The following NTN1 variants were observed in gnomAD, a reference collection of about 807,000 sequenced individuals.
NTN1 encodes netrin-1.
A neutral mutation model predicts 54.2 loss-of-function variants in NTN1; 11 were observed. The ratio of observed to expected loss-of-function variants is 0.20; its 90% CI spans 0.13 to 0.34. NTN1 has a LOEUF of 0.34. Ranked by LOEUF, NTN1 falls within the 10% of genes least tolerant of loss-of-function variation. NTN1 has a pLI of 1.00. For synonymous variants in NTN1, 371 were observed against 382.0 expected (o/e 0.97, Z 0.33); for missense variants, 740 against 893.1 (o/e 0.83, Z 2.18).
intron 2 of NTN1, among the ~76,000 whole-genome samples, chr17:9,065,215 G>C (rs551515917): frequency 6.6e-6 from 1 of 152,192 alleles, no homozygotes; most frequent in South Asian, 2.1e-4. Flanking sequence ...GGGATTACAG[G>C]TGTGAGCCAC....
the NTN1 span, among the ~76,000 whole-genome samples, chr17:9,006,269 A>G: frequency 1.3e-5 from 2 of 152,228 alleles, no homozygotes; most frequent in Admixed American, 1.3e-4. Context: ...GGAGTAATTC[A>G]TAGTGTTTGG....
At chr17:9,105,994 G>A (rs1206433513) in intron 2 of NTN1, among the ~76,000 whole-genome samples, 1 of 152,134 alleles carries the variant, frequency 6.6e-6, no homozygotes, top group Non-Finnish European at 1.5e-5. Context: ...TACTCCCAAA[G>A]CATGGCCCCC....
chr17:9,228,960 GTGAT>G (rs1360340847), intron 6 of NTN1, among the ~76,000 whole-genome samples: 2 of 151,786 alleles, frequency 1.3e-5, no homozygotes, highest in Non-Finnish European at 2.9e-5. Flanking sequence ...CTCTGCGTGT[GTGAT>G]TGTGTTTACG....
chr17:9,205,634 G>A (rs951130225), intron 5 of NTN1, among the ~76,000 whole-genome samples: 5 of 152,224 alleles, frequency 3.3e-5, no homozygotes, highest in African/African-American at 4.8e-5. Context: ...GAGAGAGAGA[G>A]AGAAGGGGCA....
chr17:9,084,410 G>T (rs2092083384), intron 2 of NTN1, among the ~76,000 whole-genome samples: 1 of 152,184 alleles, frequency 6.6e-6, no homozygotes, highest in Non-Finnish European at 1.5e-5. Context: ...AAACCCCAAA[G>T]TGTCCTCATT....
chr17:9,089,339 C>G (rs555023981), intron 2 of NTN1, among the ~76,000 whole-genome samples: 1 of 151,852 alleles, frequency 6.6e-6, no homozygotes, highest in East Asian at 1.9e-4. Flanking sequence ...CGCTTGAACC[C>G]GGGAGGCGGA....
At chr17:9,137,845 T>TCCGGCCTTC (rs2092285866) in intron 2 of NTN1, among the ~76,000 whole-genome samples, 3 of 152,334 alleles carry the variant, frequency 2.0e-5, no homozygotes, top group Middle Eastern at 6.8e-3. Flanking sequence ...TTCCGGCATT[T>TCCGGCCTTC]CCGGCCTTCC....
In NTN1 at chr17:9,240,465, A is replaced by G. The variant is rs147972816; in HGVS notation, c.*497A>G. On this transcript the variant is annotated 3_prime_UTR_variant, in exon 7 of 7. Coordinates refer to ENST00000173229, the MANE Select transcript of NTN1 (RefSeq NM_004822.3). ...GGAGCACCCACCAAACCACCACCCGACACGCAGCCGACGGGATCCCCCCCT... is the reference window on the plus strand; with the variant it reads ...GGAGCACCCACCAAACCACCACCCGGCACGCAGCCGACGGGATCCCCCCCT... 5.6e-3 allele frequency: 853 copies of G among 152,412 alleles called. 1 individual carries two copies. The highest frequency in any genetic ancestry group is 0.01 in the Non-Finnish European group (699 of 68,112). 9.4% of individuals were successfully genotyped at this position (152,412 alleles called of 1,614,324 possible).
chr17:9,187,213 T>G (rs2092435991), intron 5 of NTN1, among the ~76,000 whole-genome samples: 1 of 152,066 alleles, frequency 6.6e-6, no homozygotes, highest in Non-Finnish European at 1.5e-5. Context: ...GGGTGGGAGT[T>G]GCTGGCGTGA....
upstream of NTN1, chr17:9,021,437 G>C (rs1213144609): frequency 6.6e-6 from 1 of 151,560 alleles, no homozygotes; most frequent in African/African-American, 2.4e-5. Flanking sequence ...GCTGGCGGCA[G>C]CTCGCGGACG....
chr17:9,212,119 C>T lies in NTN1; in HGVS notation c.1412-9049C>T, dbSNP rs369986209. ...GCTTGAGGGTGATGGATTGGGTCAG[C>T]GAGACTAGTACAGGCTTAGAGAGAT... is the stretch of plus-strand genomic sequence containing the variant. On this transcript the variant is annotated intron_variant, in intron 5 of 6. Transcript: ENST00000173229. The surrounding 1 kb of genome is among the most constrained non-coding windows in gnomAD (Gnocchi z 5.5). Among the ~76,000 whole-genome samples the T allele has an allele frequency of 8.7e-4, 132 of 152,254 alleles. No individual in the cohort carries two copies. Among genetic ancestry groups the T allele is most frequent in the African/African-American group, 3.1e-3 (129 of 41,536 alleles).
intron 2 of NTN1, among the ~76,000 whole-genome samples, chr17:9,026,395 G>GA (rs1555562106): frequency 6.7e-6 from 1 of 148,716 alleles, no homozygotes; most frequent in African/African-American, 2.5e-5. Flanking sequence ...TTCTTCCGGG[G>GA]GGGGGGAACA....
At chr17:9,198,493 C>T (rs1011284674) in intron 5 of NTN1, among the ~76,000 whole-genome samples, 4 of 152,184 alleles carry the variant, frequency 2.6e-5, no homozygotes, top group Admixed American at 6.5e-5. Flanking sequence ...CTCCAGCCAC[C>T]TCTGCTATAC....
At chr17:9,186,723 T>C (rs1034864986) in intron 5 of NTN1, among the ~76,000 whole-genome samples, 2 of 151,942 alleles carry the variant, frequency 1.3e-5, no homozygotes, top group Non-Finnish European at 2.9e-5. Flanking sequence ...GGGGTGGGGG[T>C]TGACCTTAGA....
intron 3 of NTN1, among the ~76,000 whole-genome samples, chr17:9,166,433 C>T (rs2092373646): frequency 6.6e-6 from 1 of 151,044 alleles, no homozygotes; most frequent in East Asian, 2.0e-4. Context: ...CCTCTGCCTC[C>T]CAGGTTCAAG....
chr17:9,205,517 C>T (rs750373165), intron 5 of NTN1, among the ~76,000 whole-genome samples: 3 of 152,242 alleles, frequency 2.0e-5, no homozygotes, highest in Admixed American at 6.5e-5. Context: ...GTCCTAGCTA[C>T]GTGGGAGGCT....
intron 2 of NTN1, among the ~76,000 whole-genome samples, chr17:9,062,901 G>A (rs2092003269): frequency 6.6e-6 from 1 of 152,000 alleles, no homozygotes; most frequent in Non-Finnish European, 1.5e-5. Flanking sequence ...TAATAATACA[G>A]GATTGTGGGA....
At chr17:9,195,280 G>T (rs1454710584) in intron 5 of NTN1, among the ~76,000 whole-genome samples, 2 of 151,828 alleles carry the variant, frequency 1.3e-5, no homozygotes, top group African/African-American at 4.8e-5. Flanking sequence ...GAGCCCCATT[G>T]TTCCCCTGTC....
At chr17:9,094,009 T>C (rs1475450914) in intron 2 of NTN1, among the ~76,000 whole-genome samples, 2 of 151,996 alleles carry the variant, frequency 1.3e-5, no homozygotes, top group East Asian at 1.9e-4. Context: ...AAGAAAAAAA[T>C]CACTCATTAT....
Sources: allele counts gnomAD v4.1 joint callset (sites outside exome capture counted in the v4.1 genomes callset), GRCh38; gene constraint gnomAD v4.1.1; non-coding constraint Gnocchi (gnomAD v3.1); transcripts MANE v1.5; gene names NCBI Gene and HGNC (gene_info 2026-07-23, HGNC 2026-07-21).